The following TPX2 variants were observed in gnomAD, a reference collection of about 807,000 sequenced individuals.
TPX2 encodes TPX2 microtubule nucleation factor.
TPX2 carries 21 observed loss-of-function variants against 93.6 expected under a neutral mutation model. That is an observed-to-expected ratio of 0.22 (90% CI 0.16 to 0.32). The LOEUF (loss-of-function observed/expected upper bound fraction) is 0.32, where lower values mean the gene tolerates loss of function less well. TPX2 is among the 10% of genes least tolerant of loss of function. The pLI, the probability that TPX2 is intolerant of heterozygous loss-of-function variation, is 1.00. For missense variants in TPX2, 776 were observed against 871.1 expected, an observed-to-expected ratio of 0.89 and a Z score of 1.37; for synonymous variants, 281 against 298.3, an observed-to-expected ratio of 0.94 and a Z score of 0.60.
intron 10 of TPX2, chr20:31,781,073 G>C (rs1258272592): frequency 1.5e-5 from 3 of 197,886 alleles, no homozygotes; most frequent in Non-Finnish European, 3.2e-5. Flanking sequence ...ATAGGTGCAT[G>C]CCACCATGCT....
At chr20:31,792,622 G>T (rs549753682) in intron 12 of TPX2, 113 bp from the exon 13 acceptor site, 39 of 1,007,046 alleles carry the variant, frequency 3.9e-5, no homozygotes, top group Non-Finnish European at 5.8e-5. Flanking sequence ...GACCAGCTGG[G>T]CAACATAGTG....
At chr20:31,794,297 T>G in intron 14 of TPX2, 105 bp from the exon 15 acceptor site, 1 of 1,441,486 alleles carries the variant, frequency 6.9e-7, no homozygotes, top group Non-Finnish European at 9.4e-7. Context: ...CATGCTGCTT[T>G]GAAAGGTTTC....
At chr20:31,759,644 C>T (rs892917493) in intron 3 of TPX2, among the ~76,000 whole-genome samples, 2 of 151,940 alleles carry the variant, frequency 1.3e-5, no homozygotes, top group East Asian at 1.9e-4. Flanking sequence ...ATGACCCACC[C>T]GCCTCGGCCT....
rs2061926087 is a variant in TPX2 at position 31,766,459 on chromosome 20, G to GTGTA, written c.230-94_230-93insATGT. The GTGTA allele has an allele frequency of 5.7e-6, 5 of 882,930 alleles. No homozygotes were observed. The African/African-American group carries it at 7.0e-5, about 12-fold the overall frequency. 54.7% of individuals were successfully genotyped at this position (882,930 alleles called of 1,614,324 possible). A position where few individuals can be genotyped will look rare whatever the true frequency, so the allele number is the denominator to read the frequency against. On this transcript the variant is annotated intron_variant, in intron 4 of 17. Coordinates refer to ENST00000300403, the MANE Select transcript of TPX2 (RefSeq NM_012112.5). Reference sequence around the variant, plus strand: ...GGTTTCTGTGGCTTAGACAGGGTGTGTGTGTGTGTGTGTGTGTGTGTGTGT... The same window carrying GTGTA: ...GGTTTCTGTGGCTTAGACAGGGTGTGTGTATGTGTGTGTGTGTGTGTGTGTGTGT...
At chr20:31,783,141 C>G (rs1377696519) in intron 11 of TPX2, among the ~76,000 whole-genome samples, 3 of 152,126 alleles carry the variant, frequency 2.0e-5, no homozygotes, top group Non-Finnish European at 2.9e-5. Flanking sequence ...TTTTGTGCTT[C>G]TTTTGAGGAG....
At position 31,766,614 on chromosome 20, in the gene TPX2, G is replaced by C; in HGVS notation, c.288G>C (p.Pro96=). ...EKENLVEQSI[P]SNACSSLEVE... is the part of the protein sequence containing the mutation. Reference sequence around the variant, plus strand: ...AAAATCTTGTGGAACAATCCATTCCGTCAAATGCTTGTTCTTCCCTGGAAG... The same window carrying C: ...AAAATCTTGTGGAACAATCCATTCCCTCAAATGCTTGTTCTTCCCTGGAAG... Residue 96 remains proline (P), a synonymous_variant, in exon 5 of 18, where the codon CCG becomes CCC. Coordinates refer to ENST00000300403, the MANE Select transcript of TPX2 (RefSeq NM_012112.5). 6.2e-7 allele frequency: 1 copy of C among 1,613,502 alleles called. No individual in the cohort carries two copies. Among genetic ancestry groups the C allele is most frequent in the Non-Finnish European group, 8.5e-7 (1 of 1,179,846 alleles).
intron 3 of TPX2, among the ~76,000 whole-genome samples, chr20:31,758,162 G>T (rs2061863554): frequency 1.6e-5 from 2 of 128,152 alleles, no homozygotes; most frequent in African/African-American, 3.0e-5. Context: ...TCGCTCTGTT[G>T]CCCAGGCTGG....
Position 31,755,814 on chromosome 20 carries a change from C to T in TPX2, c.-70-1593C>T, listed in dbSNP as rs150372152. Among the ~76,000 whole-genome samples, 786 of 152,016 alleles carry T rather than the reference C, an allele frequency of 5.2e-3. 3 individuals carry two copies. Among genetic ancestry groups the T allele is most frequent in the African/African-American group, 0.018 (752 of 41,470 alleles). The stretch of plus-strand genomic sequence containing the variant: ...TGGGTTTCATTGGCAAATTATTGGC[C>T]ACTGAGTGTGGCCTTTAGGCTATTT... On this transcript the variant is annotated intron_variant, in intron 2 of 17. Coordinates refer to ENST00000300403, the MANE Select transcript of TPX2 (RefSeq NM_012112.5).
chr20:31,757,690 C>T (rs1468411640), intron 3 of TPX2, 108 bp downstream of exon 3: 1 of 757,642 alleles, frequency 1.3e-6, no homozygotes, highest in Non-Finnish European at 2.2e-6. Flanking sequence ...ATATCAACTT[C>T]TTTCTGCACC....
intron 12 of TPX2, among the ~76,000 whole-genome samples, chr20:31,791,475 G>A (rs1411232878): frequency 2.0e-5 from 3 of 152,030 alleles, no homozygotes; most frequent in South Asian, 2.1e-4. Context: ...TAGTAGAGAC[G>A]GGGTTTCACC....
chr20:31,799,796 A>G (rs1223935934), intron 17 of TPX2, among the ~76,000 whole-genome samples: 1 of 145,488 alleles, frequency 6.9e-6, no homozygotes, highest in Non-Finnish European at 1.5e-5. Flanking sequence ...GCTACTCGGG[A>G]GGCTGAGGCA....
At chr20:31,747,460 GTCTA>G (rs540177871) in intron 2 of TPX2, among the ~76,000 whole-genome samples, 2,946 of 145,184 alleles carry the variant, frequency 0.02, 88 homozygotes, top group African/African-American at 0.062. Context: ...CTGTCTGTCT[GTCTA>G]TCTATCTATC....
chr20:31,756,704 A>G (rs1256011669), intron 2 of TPX2, among the ~76,000 whole-genome samples: 1 of 151,948 alleles, frequency 6.6e-6, no homozygotes, highest in Non-Finnish European at 1.5e-5. Context: ...ACTCACTGCA[A>G]CTTTCACCTC....
intron 9 of TPX2, 57 bp from the exon 10 acceptor site, chr20:31,778,756 G>A: frequency 6.8e-7 from 1 of 1,462,298 alleles, no homozygotes; most frequent in Non-Finnish European, 9.1e-7. Context: ...TGTGGCTTAT[G>A]GTAGATGTGA....
chr20:31,781,004 C>T, intron 10 of TPX2: 1 of 376,992 alleles, frequency 2.7e-6, no homozygotes, highest in Non-Finnish European at 5.2e-6. Flanking sequence ...ACTTCAGTGT[C>T]CAACTCCTGG....
chr20:31,782,770 G>A (rs567743201), intron 11 of TPX2, among the ~76,000 whole-genome samples: 3 of 152,132 alleles, frequency 2.0e-5, no homozygotes, highest in East Asian at 1.9e-4. Context: ...GCATGCGTCT[G>A]TAGTCCCACC....
At chr20:31,748,533 T>C (rs1226198681) in intron 2 of TPX2, among the ~76,000 whole-genome samples, 3 of 152,234 alleles carry the variant, frequency 2.0e-5, no homozygotes, top group African/African-American at 7.2e-5. Flanking sequence ...TTTATGAGCA[T>C]ATCAGGGATG....
chr20:31,746,852 C>T (rs1363288682), intron 2 of TPX2, among the ~76,000 whole-genome samples: 1 of 152,196 alleles, frequency 6.6e-6, no homozygotes, highest in East Asian at 1.9e-4. Context: ...CTGCAATCTT[C>T]CTAATTTGTA....
intron 5 of TPX2, among the ~76,000 whole-genome samples, chr20:31,766,888 C>T (rs1476324242): frequency 1.3e-5 from 2 of 149,352 alleles, no homozygotes; most frequent in African/African-American, 2.5e-5. Flanking sequence ...GCAACCTCTG[C>T]CCCACCGTGT....
Sources: gnomAD v4.1 joint callset for allele counts (sites outside exome capture counted in the v4.1 genomes callset) on GRCh38, gnomAD v4.1.1 for gene constraint, MANE v1.5 for transcripts, NCBI Gene and HGNC (gene_info 2026-07-23, HGNC 2026-07-21) for gene names.